TMEM38B: variants seen among roughly 807,000 people sequenced by gnomAD.
TMEM38B encodes trimeric intracellular cation channel type B.
In TMEM38B, 24 loss-of-function variants were observed where a neutral mutation model predicts 28.7. The observed-to-expected ratio is 0.84, with a 90% CI of 0.61 to 1.18. TMEM38B has a LOEUF of 1.18. Among genes scored for constraint, TMEM38B ranks in the 50% most tolerant of loss-of-function variants. The probability of loss-of-function intolerance (pLI) is 0.00; values close to 1 mark genes in which losing one functional copy is unlikely to be tolerated. For synonymous variants in TMEM38B, 131 were observed against 127.7 expected, an observed-to-expected ratio of 1.03 and a Z score of -0.17; for missense variants, 380 against 350.9, an observed-to-expected ratio of 1.08 and a Z score of -0.66.
At chr9:105,701,260 A>G (rs1835452264) in intron 1 of TMEM38B, 1 of 152,160 alleles carries the variant, frequency 6.6e-6, no homozygotes, top group Non-Finnish European at 1.5e-5. Context: ...TGGTTTGCAT[A>G]TATCTTATTA....
At chr9:105,710,508 TC>T (rs1835862047) in intron 2 of TMEM38B, 2 of 1,286,948 alleles carry the variant, frequency 1.6e-6, no homozygotes, top group Non-Finnish European at 1.1e-6. Flanking sequence ...TTTGGTGTCT[TC>T]CGATCCCCCT....
At chr9:105,695,890 C>T (rs1329688442) in intron 1 of TMEM38B, among the ~76,000 whole-genome samples, 1 of 152,174 alleles carries the variant, frequency 6.6e-6, no homozygotes, top group African/African-American at 2.4e-5. Flanking sequence ...AACACATTAT[C>T]TGCATAAGAT....
intron 5 of TMEM38B, among the ~76,000 whole-genome samples, chr9:105,773,128 TCTC>T (rs1424486515): frequency 6.6e-6 from 1 of 152,154 alleles, no homozygotes; most frequent in African/African-American, 2.4e-5. Context: ...ACTTGAAAGT[TCTC>T]CTCCCAGATT....
chr9:105,729,605 C>G (rs1022450754), intron 4 of TMEM38B, among the ~76,000 whole-genome samples: 8 of 152,042 alleles, frequency 5.3e-5, no homozygotes, highest in East Asian at 1.9e-4. Flanking sequence ...TAGTTTTTTC[C>G]AATTCTGTGA....
At chr9:105,748,027 A>T in intron 4 of TMEM38B, 46 bp from the exon 5 acceptor site, 2 of 1,273,470 alleles carry the variant, frequency 1.6e-6, no homozygotes, top group Non-Finnish European at 2.3e-6. Flanking sequence ...AGTTAGAGAT[A>T]TGTCATATTT....
At chr9:105,716,938 G>A (rs139627519) in intron 2 of TMEM38B, among the ~76,000 whole-genome samples, 3 of 152,258 alleles carry the variant, frequency 2.0e-5, no homozygotes, top group South Asian at 4.2e-4. Flanking sequence ...GAGGCTTGTG[G>A]TCAACAGTAA....
chr9:105,708,781 C>T (rs949471663), intron 2 of TMEM38B, among the ~76,000 whole-genome samples: 5 of 152,072 alleles, frequency 3.3e-5, no homozygotes, highest in Non-Finnish European at 5.9e-5. Flanking sequence ...AGCACCTCCT[C>T]TCCCATGACT....
intron 2 of TMEM38B, among the ~76,000 whole-genome samples, chr9:105,712,475 T>G (rs910813390): frequency 4.6e-5 from 7 of 152,200 alleles, no homozygotes; most frequent in African/African-American, 1.7e-4. Flanking sequence ...AGTCCAGAGT[T>G]TGCTGATTGC....
intron 4 of TMEM38B, among the ~76,000 whole-genome samples, chr9:105,740,260 G>GTTT (rs35669330): frequency 7.2e-5 from 8 of 111,422 alleles, no homozygotes; most frequent in East Asian, 2.4e-4. Context: ...ATTCCTAGGT[G>GTTT]TTTTTTTTTT....
chr9:105,762,768 T>C (rs962334836), intron 5 of TMEM38B, among the ~76,000 whole-genome samples: 16 of 149,590 alleles, frequency 1.1e-4, no homozygotes, highest in African/African-American at 4.0e-4. Flanking sequence ...TTTGGGTATA[T>C]ACCCAGTAAT....
chr9:105,747,687 C>G (rs1421789447), intron 4 of TMEM38B, among the ~76,000 whole-genome samples: 2 of 152,106 alleles, frequency 1.3e-5, no homozygotes, highest in Non-Finnish European at 2.9e-5. Flanking sequence ...AATTTTAGAT[C>G]TTTCCTGCTT....
At chr9:105,707,021 G>A (rs1180735152) in intron 2 of TMEM38B, among the ~76,000 whole-genome samples, 1 of 151,958 alleles carries the variant, frequency 6.6e-6, no homozygotes, top group African/African-American at 2.4e-5. Flanking sequence ...CAAGTGATCT[G>A]CCCGTCTCAG....
chr9:105,770,610 G>A (rs1265507648), intron 5 of TMEM38B, among the ~76,000 whole-genome samples: 1 of 151,856 alleles, frequency 6.6e-6, no homozygotes, highest in Non-Finnish European at 1.5e-5. Flanking sequence ...TTAATAATTA[G>A]CGAAGTCTGA....
intron 5 of TMEM38B, among the ~76,000 whole-genome samples, chr9:105,761,479 A>G (rs1405953681): frequency 2.0e-5 from 3 of 152,200 alleles, no homozygotes; most frequent in African/African-American, 7.2e-5. Flanking sequence ...AGCAACTGCT[A>G]TGTGCCTTTC....
intron 1 of TMEM38B, chr9:105,701,322 T>C (rs1298695013): frequency 6.6e-6 from 1 of 152,186 alleles, no homozygotes; most frequent in Admixed American, 6.5e-5. Context: ...GTCAGTGTAA[T>C]GTCATCAGTG....
chr9:105,723,963 G>A (rs1190149775), intron 4 of TMEM38B, among the ~76,000 whole-genome samples: 1 of 152,154 alleles, frequency 6.6e-6, no homozygotes, highest in African/African-American at 2.4e-5. Flanking sequence ...AGCCTCCTAA[G>A]TACCTGGGAT....
chr9:105,707,782 G>A (rs1835730942), intron 2 of TMEM38B, among the ~76,000 whole-genome samples: 1 of 152,120 alleles, frequency 6.6e-6, no homozygotes, highest in South Asian at 2.1e-4. Context: ...AAAACAAGAA[G>A]TTTTTAACTT....
chr9:105,713,231 G>A (rs1001237008), intron 2 of TMEM38B, among the ~76,000 whole-genome samples: 9 of 152,120 alleles, frequency 5.9e-5, no homozygotes, highest in African/African-American at 1.9e-4. Flanking sequence ...CTGACCTGCC[G>A]CTCCACGGAG....
intron 1 of TMEM38B, among the ~76,000 whole-genome samples, chr9:105,697,824 A>C (rs2133541460): frequency 6.6e-6 from 1 of 152,246 alleles, no homozygotes; most frequent in South Asian, 2.1e-4. Flanking sequence ...CATTTTAAGA[A>C]GGGGTTTCTC....
Sources: allele counts gnomAD v4.1 joint callset (sites outside exome capture counted in the v4.1 genomes callset), GRCh38; gene constraint gnomAD v4.1.1; transcripts MANE v1.5; gene names NCBI Gene and HGNC (gene_info 2026-07-23, HGNC 2026-07-21).